The following TRHDE variants were observed in gnomAD, a reference collection of about 807,000 sequenced individuals.
TRHDE encodes thyrotropin-releasing hormone-degrading ectoenzyme.
In TRHDE, 72 loss-of-function variants were observed where a neutral mutation model predicts 125.7. The observed-to-expected ratio is 0.57, with a 90% CI of 0.47 to 0.70. The LOEUF (loss-of-function observed/expected upper bound fraction) is 0.70, where lower values mean the gene tolerates loss of function less well. TRHDE is among the 30% of genes least tolerant of loss of function. The pLI, the probability that TRHDE is intolerant of heterozygous loss-of-function variation, is 0.00. For synonymous variants in TRHDE, 509 were observed against 509.1 expected, an observed-to-expected ratio of 1.00 and a Z score of 0.00; for missense variants, 1,110 against 1,327.1, an observed-to-expected ratio of 0.84 and a Z score of 2.54.
chr12:72,525,601 TTG>T (rs3081972), intron 6 of TRHDE, among the ~76,000 whole-genome samples: 66,917 of 127,570 alleles, frequency 0.52, 19,902 homozygotes, highest in South Asian at 0.69. Context: ...TGTGTGTGGT[TTG>T]TGTGTGTGTG....
At chr12:72,495,086 T>TTTTTTTTTTTTTTTTTTA (rs757707157) in intron 5 of TRHDE, among the ~76,000 whole-genome samples, 3 of 126,554 alleles carry the variant, frequency 2.4e-5, no homozygotes, top group Admixed American at 8.9e-5. Flanking sequence ...TTTTTTTTTT[T>TTTTTTTTTTTTTTTTTTA]AAGTTTCATC....
chr12:72,538,883 A>G (rs1868999701), intron 6 of TRHDE, among the ~76,000 whole-genome samples: 1 of 151,200 alleles, frequency 6.6e-6, no homozygotes, highest in Non-Finnish European at 1.5e-5. Context: ...TTGAAAACCA[A>G]TTTTCCAAAT....
chr12:72,488,142 T>C (rs1877498914), intron 5 of TRHDE, among the ~76,000 whole-genome samples: 1 of 151,950 alleles, frequency 6.6e-6, no homozygotes, highest in Non-Finnish European at 1.5e-5. Flanking sequence ...AAACAAAGAA[T>C]GAAATGGCAA....
chr12:72,568,261 G>A (rs1870543835), intron 9 of TRHDE, among the ~76,000 whole-genome samples: 1 of 152,034 alleles, frequency 6.6e-6, no homozygotes, highest in African/African-American at 2.4e-5. Context: ...TGGCTCAGGT[G>A]TATAGATATT....
At chr12:72,398,769 G>A (rs954675280) in intron 3 of TRHDE, among the ~76,000 whole-genome samples, 2 of 152,186 alleles carry the variant, frequency 1.3e-5, no homozygotes, top group Non-Finnish European at 2.9e-5. Context: ...CTGGTTAATG[G>A]GAGTGAGGGA....
intron 2 of TRHDE, among the ~76,000 whole-genome samples, chr12:72,362,425 G>A (rs1315936291): frequency 6.6e-6 from 1 of 151,234 alleles, no homozygotes; most frequent in Non-Finnish European, 1.5e-5. Flanking sequence ...TTTTTTTCTT[G>A]TAAATTTGTT....
intron 2 of TRHDE, among the ~76,000 whole-genome samples, chr12:72,345,919 G>A (rs1001958270): frequency 1.3e-5 from 2 of 151,998 alleles, no homozygotes; most frequent in Non-Finnish European, 2.9e-5. Flanking sequence ...GATGTTCCTT[G>A]GTTGGGTGAA....
chr12:72,307,289 C>T (rs913522045), intron 2 of TRHDE, among the ~76,000 whole-genome samples: 7 of 151,812 alleles, frequency 4.6e-5, no homozygotes, highest in Non-Finnish European at 5.9e-5. Flanking sequence ...CTCAGCCTCC[C>T]GAGTAGCCAG....
At chr12:72,629,684 C>A (rs1426661564) in intron 15 of TRHDE, among the ~76,000 whole-genome samples, 1 of 151,630 alleles carries the variant, frequency 6.6e-6, no homozygotes, top group Non-Finnish European at 1.5e-5. Context: ...TGTACTAAGA[C>A]ACAGTGAGTA....
At chr12:72,469,682 G>A (rs1678007312) in intron 3 of TRHDE, 76 bp from the exon 4 acceptor site, 2 of 1,478,454 alleles carry the variant, frequency 1.4e-6, no homozygotes. Flanking sequence ...TAGGATTTCT[G>A]GACACTTTTT....
intron 2 of TRHDE, among the ~76,000 whole-genome samples, chr12:72,142,817 G>A (rs1440051141): frequency 1.3e-5 from 2 of 152,024 alleles, no homozygotes; most frequent in Admixed American, 6.6e-5. Context: ...AGTCAGGGAA[G>A]AGTCCGGCTG....
chr12:72,408,168 C>T (rs183057112), intron 3 of TRHDE, among the ~76,000 whole-genome samples: 1 of 152,174 alleles, frequency 6.6e-6, no homozygotes, highest in Non-Finnish European at 1.5e-5. Context: ...TAACCACTCT[C>T]AGACAAGCAC....
chr12:72,096,349 T>C (rs1018578019), intron 1 of TRHDE, among the ~76,000 whole-genome samples: 1 of 152,234 alleles, frequency 6.6e-6, no homozygotes, highest in African/African-American at 2.4e-5. Flanking sequence ...AGGCTTCTCT[T>C]TTATTTTGGT....
At chr12:72,566,867 A>G (rs1870472209) in intron 9 of TRHDE, among the ~76,000 whole-genome samples, 1 of 151,926 alleles carries the variant, frequency 6.6e-6, no homozygotes, top group African/African-American at 2.4e-5. Context: ...TTTTATTCCA[A>G]GTGCATTCAA....
At chr12:72,610,371 G>A (rs568327438) in intron 12 of TRHDE, among the ~76,000 whole-genome samples, 123 of 152,188 alleles carry the variant, frequency 8.1e-4, no homozygotes, top group Middle Eastern at 3.4e-3. Context: ...AGCATAGTCC[G>A]TGTAGTGAGA....
intron 12 of TRHDE, among the ~76,000 whole-genome samples, chr12:72,617,615 C>T (rs1478644318): frequency 1.4e-5 from 2 of 139,396 alleles, no homozygotes; most frequent in South Asian, 2.1e-4. Context: ...TGTTAACAGT[C>T]TGCATTCAGT....
intron 2 of TRHDE, among the ~76,000 whole-genome samples, chr12:72,358,402 G>A (rs1277810425): frequency 1.3e-5 from 2 of 151,544 alleles, no homozygotes; most frequent in East Asian, 3.9e-4. Context: ...TATTCCTCAT[G>A]ATTTTAATAA....
chr12:72,332,267 T>C (rs1417130195), intron 2 of TRHDE, among the ~76,000 whole-genome samples: 1 of 152,130 alleles, frequency 6.6e-6, no homozygotes, highest in Non-Finnish European at 1.5e-5. Context: ...GCCTCCCAAG[T>C]AGCTGGGACT....
At chr12:72,157,997 G>A (rs1423300290) in intron 2 of TRHDE, among the ~76,000 whole-genome samples, 2 of 152,112 alleles carry the variant, frequency 1.3e-5, no homozygotes, top group African/African-American at 2.4e-5. Flanking sequence ...AGTATTTGAG[G>A]GAAAAGGGCA....
Sources: gnomAD v4.1 joint callset for allele counts (sites outside exome capture counted in the v4.1 genomes callset) on GRCh38, gnomAD v4.1.1 for gene constraint, MANE v1.5 for transcripts, NCBI Gene and HGNC (gene_info 2026-07-23, HGNC 2026-07-21) for gene names.